DAB1: variants seen among roughly 807,000 people sequenced by gnomAD.
DAB1 encodes the protein disabled homolog 1.
DAB1 carries 15 observed loss-of-function variants against 64.6 expected under a neutral mutation model. The ratio of observed to expected loss-of-function variants is 0.23; its 90% CI spans 0.16 to 0.36. The LOEUF is 0.36. DAB1 is among the 10% of genes least tolerant of loss of function. DAB1 has a pLI of 1.00. For missense variants in DAB1, 596 were observed against 706.7 expected (o/e 0.84, Z 1.78); for synonymous variants, 235 against 251.9 (o/e 0.93, Z 0.64).
intron 1 of DAB1, among the ~76,000 whole-genome samples, chr1:57,294,061 A>G (rs373308605): frequency 2.0e-5 from 3 of 152,176 alleles, no homozygotes; most frequent in African/African-American, 7.2e-5. Context: ...ATTTTCCAAA[A>G]GGCAGAGGTT....
chr1:57,370,523 G>T (rs1180319204), intron 1 of DAB1, among the ~76,000 whole-genome samples: 1 of 151,908 alleles, frequency 6.6e-6, no homozygotes, highest in Non-Finnish European at 1.5e-5. Flanking sequence ...ATCTATATGT[G>T]CATGTGAATC....
intron 7 of DAB1, among the ~76,000 whole-genome samples, chr1:57,460,148 A>T (rs1395426559): frequency 6.6e-6 from 1 of 152,222 alleles, no homozygotes; most frequent in Non-Finnish European, 1.5e-5. Context: ...TAGTTGTGAC[A>T]CTTAGAAAAA....
intron 1 of DAB1, among the ~76,000 whole-genome samples, chr1:57,354,108 A>G (rs1678857019): frequency 6.6e-6 from 1 of 151,954 alleles, no homozygotes; most frequent in African/African-American, 2.4e-5. Flanking sequence ...ACATTTTTTC[A>G]CTCTGTTTTG....
chr1:57,019,358 AT>A (rs980488439), intron 11 of DAB1, among the ~76,000 whole-genome samples: 28 of 150,960 alleles, frequency 1.9e-4, no homozygotes, highest in Non-Finnish European at 3.5e-4. Flanking sequence ...CCCATCTTTT[AT>A]TTTTTTTCCA....
chr1:57,271,738 G>A (rs584147), intron 2 of DAB1, among the ~76,000 whole-genome samples: 64,281 of 152,022 alleles, frequency 0.42, 13,798 homozygotes, highest in Admixed American at 0.56. Context: ...CCTGGAGGAA[G>A]TGCCATCTAG....
intron 5 of DAB1, among the ~76,000 whole-genome samples, chr1:58,150,236 C>T (rs971078123): frequency 1.3e-5 from 2 of 152,214 alleles, no homozygotes; most frequent in Non-Finnish European, 1.5e-5. Flanking sequence ...AAGGCACCCA[C>T]ATATTCTCTA....
At chr1:58,077,257 T>G (rs1418498429) in intron 5 of DAB1, among the ~76,000 whole-genome samples, 2 of 152,256 alleles carry the variant, frequency 1.3e-5, no homozygotes, top group Admixed American at 1.3e-4. Flanking sequence ...CTAAGTGATT[T>G]GTCCAAGGTC....
intron 4 of DAB1, among the ~76,000 whole-genome samples, chr1:58,240,696 C>A (rs1047912501): frequency 2.6e-5 from 4 of 152,102 alleles, no homozygotes; most frequent in Admixed American, 2.0e-4. Context: ...CCCTAAGTAG[C>A]CAAAGCTATA....
chr1:57,687,260 T>G (rs1646708930), intron 6 of DAB1, among the ~76,000 whole-genome samples: 1 of 151,838 alleles, frequency 6.6e-6, no homozygotes, highest in South Asian at 2.1e-4. Flanking sequence ...ACATTCAAGT[T>G]GAGAATCAAA....
At chr1:57,300,427 A>G (rs760518113) in intron 1 of DAB1, among the ~76,000 whole-genome samples, 1 of 152,128 alleles carries the variant, frequency 6.6e-6, no homozygotes, top group African/African-American at 2.4e-5. Flanking sequence ...AACAGGGGGG[A>G]TGCAGACGGA....
At chr1:57,498,751 T>C (rs919525724) in intron 7 of DAB1, among the ~76,000 whole-genome samples, 3 of 152,172 alleles carry the variant, frequency 2.0e-5, no homozygotes, top group Non-Finnish European at 4.4e-5. Flanking sequence ...GGGAAAATGT[T>C]ATAGCTGGTG....
intron 2 of DAB1, among the ~76,000 whole-genome samples, chr1:58,512,715 G>C (rs930292668): frequency 2.0e-5 from 3 of 151,640 alleles, no homozygotes; most frequent in Non-Finnish European, 4.4e-5. Flanking sequence ...TGTAGAAGTA[G>C]AGAATAGAAT....
chr1:57,728,791 G>T (rs370411610), intron 6 of DAB1, among the ~76,000 whole-genome samples: 67 of 152,262 alleles, frequency 4.4e-4, no homozygotes, highest in African/African-American at 1.4e-3. Flanking sequence ...AAGAAAACTA[G>T]AACACCTTTC....
intron 3 of DAB1, among the ~76,000 whole-genome samples, chr1:58,505,171 C>T (rs111721922): frequency 4.6e-5 from 7 of 152,224 alleles, no homozygotes; most frequent in African/African-American, 1.7e-4. Context: ...AGGCTGGTCT[C>T]GAACTCCTGA....
At chr1:58,166,776 A>T (rs1570438102) in intron 4 of DAB1, among the ~76,000 whole-genome samples, 1 of 148,376 alleles carries the variant, frequency 6.7e-6, no homozygotes, top group Non-Finnish European at 1.5e-5. Context: ...AATTTGAGAC[A>T]GGGTCTTGCT....
At chr1:57,215,310 A>G (rs375770139) in intron 2 of DAB1, among the ~76,000 whole-genome samples, 10 of 152,246 alleles carry the variant, frequency 6.6e-5, no homozygotes, top group African/African-American at 2.2e-4. Flanking sequence ...GCTTAATAAA[A>G]GAAACAGTTG....
chr1:57,889,894 T>C (rs1319722842), intron 5 of DAB1, among the ~76,000 whole-genome samples: 1 of 8,026 alleles, frequency 1.2e-4, no homozygotes, highest in Non-Finnish European at 2.4e-4. Flanking sequence ...TAGCACAAAC[T>C]GGGGCGGGGG....
At chr1:58,391,247 G>A (rs934184898) in intron 3 of DAB1, among the ~76,000 whole-genome samples, 1 of 152,198 alleles carries the variant, frequency 6.6e-6, no homozygotes, top group South Asian at 2.1e-4. Flanking sequence ...GGAGGAAAAG[G>A]CTACTCAGAG....
intron 3 of DAB1, among the ~76,000 whole-genome samples, chr1:58,447,624 T>C (rs1392329970): frequency 6.6e-6 from 1 of 152,102 alleles, no homozygotes; most frequent in African/African-American, 2.4e-5. Context: ...TCGTCAGTGC[T>C]ATGAAAGAAA....
Sources: allele counts gnomAD v4.1 joint callset (sites outside exome capture counted in the v4.1 genomes callset), GRCh38; gene constraint gnomAD v4.1.1; transcripts MANE v1.5; gene names NCBI Gene and HGNC (gene_info 2026-07-23, HGNC 2026-07-21).